Variants in FGF14 observed in about 807,000 individuals in gnomAD.
The protein encoded by FGF14 is fibroblast growth factor 14.
FGF14 carries 5 observed loss-of-function variants against 25.5 expected under a neutral mutation model. The observed-to-expected ratio is 0.20, with a 90% confidence interval of 0.10 to 0.41. The LOEUF (loss-of-function observed/expected upper bound fraction) is 0.41, where lower values mean the gene tolerates loss of function less well. FGF14 is among the 10% of genes least tolerant of loss of function. FGF14 has a pLI of 1.00. For synonymous variants in FGF14, 138 were observed against 118.3 expected (o/e 1.17, Z -1.08); for missense variants, 222 against 320.1 (o/e 0.69, Z 2.34).
intron 1 of FGF14, among the ~76,000 whole-genome samples, chr13:102,155,331 AT>A (rs2047280599): frequency 1.3e-5 from 2 of 152,272 alleles, no homozygotes; most frequent in Middle Eastern, 3.2e-3. Flanking sequence ...CCACAGTGCA[AT>A]CAAACTAGAA....
chr13:101,844,931 G>A (rs2043373209), intron 3 of FGF14, among the ~76,000 whole-genome samples: 1 of 152,006 alleles, frequency 6.6e-6, no homozygotes, highest in South Asian at 2.1e-4. Flanking sequence ...ACAGGGACGG[G>A]TTTAAGTCCA....
intron 1 of FGF14, among the ~76,000 whole-genome samples, chr13:102,145,372 C>G (rs2046813553): frequency 6.6e-6 from 1 of 152,036 alleles, no homozygotes; most frequent in South Asian, 2.1e-4. Context: ...TGTCTTGCAC[C>G]CATAGGGCTG....
At chr13:102,060,284 G>C (rs1017894006) in intron 1 of FGF14, among the ~76,000 whole-genome samples, 1 of 152,174 alleles carries the variant, frequency 6.6e-6, no homozygotes, top group African/African-American at 2.4e-5. Flanking sequence ...CCAGCACTTT[G>C]GGAGGCTGAG....
At chr13:102,134,019 T>C (rs145794478) in intron 1 of FGF14, among the ~76,000 whole-genome samples, 137 of 152,328 alleles carry the variant, frequency 9.0e-4, no homozygotes, top group African/African-American at 3.2e-3. Context: ...CATTTTGTCA[T>C]CTTTATTTTT....
chr13:102,287,961 A>C (rs556597320), intron 1 of FGF14, among the ~76,000 whole-genome samples: 2 of 152,336 alleles, frequency 1.3e-5, no homozygotes, highest in African/African-American at 4.8e-5. Context: ...TTTTGAAGCC[A>C]CACAAATGAA....
Position 101,721,770 on chromosome 13 carries a change from T to TTAAG in FGF14, c.*1057_*1060dup, listed in dbSNP as rs1308450419. The TTAAG allele has an allele frequency of 1.3e-5, 2 of 152,002 alleles. No individual in the cohort carries two copies. 9.4% of individuals were successfully genotyped at this position (152,002 alleles called of 1,614,324 possible). Reference sequence around the variant, plus strand: ...AACGCAGCCAGAAACGGGGATGGCGTTAAGTTTGGTTCATTAAAAACAGGA... The same window carrying TTAAG: ...AACGCAGCCAGAAACGGGGATGGCGTTAAGTAAGTTTGGTTCATTAAAAACAGGA... On this transcript the variant is annotated 3_prime_UTR_variant, in exon 5 of 5. Coordinates refer to ENST00000376143, the MANE Select transcript of FGF14 (RefSeq NM_004115.4).
chr13:102,171,454 G>A (rs1397004895), intron 1 of FGF14, among the ~76,000 whole-genome samples: 1 of 152,116 alleles, frequency 6.6e-6, no homozygotes, highest in Non-Finnish European at 1.5e-5. Context: ...AGGTATAAAA[G>A]GAAGTCTCTC....
intron 3 of FGF14, among the ~76,000 whole-genome samples, chr13:101,798,174 AG>A (rs2040664502): frequency 6.6e-6 from 1 of 152,150 alleles, no homozygotes; most frequent in Non-Finnish European, 1.5e-5. Context: ...TTCTATCAAA[AG>A]AAAACAACAA....
intron 1 of FGF14, among the ~76,000 whole-genome samples, chr13:102,229,496 A>G (rs1202459963): frequency 6.6e-6 from 1 of 152,274 alleles, no homozygotes; most frequent in South Asian, 2.1e-4. Flanking sequence ...ATTTCTTGCT[A>G]CTGGTAAGGG....
At chr13:102,215,385 C>T (rs923927092) in intron 1 of FGF14, among the ~76,000 whole-genome samples, 20 of 152,210 alleles carry the variant, frequency 1.3e-4, no homozygotes, top group African/African-American at 4.3e-4. Context: ...TAAGCAGAAG[C>T]TGGCACTGCT....
At chr13:102,235,148 A>T (rs1184733702) in intron 1 of FGF14, among the ~76,000 whole-genome samples, 1 of 152,228 alleles carries the variant, frequency 6.6e-6, no homozygotes, top group Non-Finnish European at 1.5e-5. Flanking sequence ...GAAACAAAAA[A>T]CACAAAATCA....
intron 3 of FGF14, among the ~76,000 whole-genome samples, chr13:101,732,726 TACA>T (rs1277032881): frequency 1.3e-5 from 2 of 152,246 alleles, no homozygotes. Flanking sequence ...TAGTTATATT[TACA>T]ACGAGAAATT....
chr13:102,014,894 T>C (rs973450784), intron 1 of FGF14, among the ~76,000 whole-genome samples: 1 of 152,180 alleles, frequency 6.6e-6, no homozygotes, highest in Non-Finnish European at 1.5e-5. Context: ...GTCAAAAAGA[T>C]TTTTCTATTC....
intron 1 of FGF14, among the ~76,000 whole-genome samples, chr13:102,047,126 G>A (rs2042018153): frequency 6.6e-6 from 1 of 152,014 alleles, no homozygotes; most frequent in South Asian, 2.1e-4. Context: ...ATTTTTTCTG[G>A]GTTGTAGCCT....
intron 3 of FGF14, among the ~76,000 whole-genome samples, chr13:101,750,806 T>C (rs1158096458): frequency 1.3e-5 from 2 of 152,118 alleles, no homozygotes; most frequent in Non-Finnish European, 2.9e-5. Flanking sequence ...TGGCCTTCAA[T>C]AGGGGAATAT....
chr13:101,782,562 C>A (rs1175383662), intron 3 of FGF14, among the ~76,000 whole-genome samples: 1 of 152,138 alleles, frequency 6.6e-6, no homozygotes, highest in African/African-American at 2.4e-5. Flanking sequence ...TGAAAGACCT[C>A]AGTGTCCGTT....
At chr13:102,047,567 A>G in intron 1 of FGF14, among the ~76,000 whole-genome samples, 1 of 152,170 alleles carries the variant, frequency 6.6e-6, no homozygotes, top group East Asian at 1.9e-4. Flanking sequence ...TTCTCAGCAA[A>G]CTATCGCAAG....
chr13:102,161,574 A>AAGAAGAAGAAG (rs1555369410), intron 1 of FGF14, among the ~76,000 whole-genome samples: 2 of 5,312 alleles, frequency 3.8e-4, no homozygotes, highest in Non-Finnish European at 3.3e-4. Flanking sequence ...GTGAAGAAAG[A>AAGAAGAAGAAG]AAGAAGAAGA....
chr13:102,102,884 C>T (rs2140292055), intron 1 of FGF14, among the ~76,000 whole-genome samples: 1 of 152,242 alleles, frequency 6.6e-6, no homozygotes, highest in Admixed American at 6.5e-5. Context: ...ACCTTTCTCC[C>T]CGCAGTATAC....
Sources: gnomAD v4.1 joint callset for allele counts (sites outside exome capture counted in the v4.1 genomes callset) on GRCh38, gnomAD v4.1.1 for gene constraint, MANE v1.5 for transcripts, NCBI Gene and HGNC (gene_info 2026-07-23, HGNC 2026-07-21) for gene names.